DPYSL5: variants seen among roughly 807,000 people sequenced by gnomAD.
The protein encoded by DPYSL5 is dihydropyrimidinase-related protein 5.
A neutral mutation model predicts 58.4 loss-of-function variants in DPYSL5; 9 were observed. The observed-to-expected ratio is 0.15, with a 90% CI of 0.09 to 0.27. DPYSL5 has a LOEUF of 0.27. Ranked by LOEUF, DPYSL5 falls within the 10% of genes least tolerant of loss-of-function variation. The probability of loss-of-function intolerance (pLI) is 1.00; values close to 1 mark genes in which losing one functional copy is unlikely to be tolerated. For synonymous variants in DPYSL5, 293 were observed against 301.9 expected (o/e 0.97, Z 0.31); for missense variants, 499 against 770.6 (o/e 0.65, Z 4.17).
intron 1 of DPYSL5, among the ~76,000 whole-genome samples, chr2:26,883,571 G>C (rs1663628026): frequency 6.6e-6 from 1 of 151,992 alleles, no homozygotes; most frequent in African/African-American, 2.4e-5. Flanking sequence ...GCTAATTTTT[G>C]TATTTTTAGT....
chr2:26,908,507 C>G (rs1335056357), intron 2 of DPYSL5, among the ~76,000 whole-genome samples: 2 of 152,164 alleles, frequency 1.3e-5, no homozygotes, highest in African/African-American at 4.8e-5. Context: ...AAATGTAGGC[C>G]AGGTTGATCC....
chr2:26,932,211 A>AAAG (rs1558351728), intron 6 of DPYSL5, among the ~76,000 whole-genome samples: 2 of 35,624 alleles, frequency 5.6e-5, no homozygotes, highest in African/African-American at 9.1e-5. Flanking sequence ...AAGAAAGAAA[A>AAAG]GAAAGAAAGA....
chr2:26,906,446 G>T (rs1664293959), intron 2 of DPYSL5, among the ~76,000 whole-genome samples: 1 of 152,118 alleles, frequency 6.6e-6, no homozygotes, highest in Non-Finnish European at 1.5e-5. Context: ...CCTCCAAAAG[G>T]GCTGGGATTA....
intron 2 of DPYSL5, among the ~76,000 whole-genome samples, chr2:26,910,691 T>C (rs1444427618): frequency 6.7e-6 from 1 of 149,534 alleles, no homozygotes; most frequent in African/African-American, 2.5e-5. Flanking sequence ...TTGACCTCAG[T>C]TGATCTGCCC....
chr2:26,863,224 TGGA>T (rs1352655210), intron 1 of DPYSL5, among the ~76,000 whole-genome samples: 2 of 152,184 alleles, frequency 1.3e-5, no homozygotes, highest in African/African-American at 4.8e-5. Flanking sequence ...TTCAGCTGTG[TGGA>T]GCCATACTAG....
intron 1 of DPYSL5, among the ~76,000 whole-genome samples, chr2:26,890,513 C>T (rs524488): frequency 0.013 from 1,916 of 152,276 alleles, 44 homozygotes; most frequent in African/African-American, 0.043. Context: ...CAGGCTGCTC[C>T]GACAGCAGCC....
chr2:26,911,983 G>T (rs1664451110), intron 2 of DPYSL5, among the ~76,000 whole-genome samples: 1 of 152,224 alleles, frequency 6.6e-6, no homozygotes, highest in Non-Finnish European at 1.5e-5. Context: ...CCCCTGAGGG[G>T]ATCTGGGACC....
At chr2:26,913,981 T>C (rs1572703511) in intron 2 of DPYSL5, among the ~76,000 whole-genome samples, 1 of 149,430 alleles carries the variant, frequency 6.7e-6, no homozygotes, top group African/African-American at 2.5e-5. Context: ...GTGTTAGAGC[T>C]GATATATATA....
intron 1 of DPYSL5, among the ~76,000 whole-genome samples, chr2:26,882,653 C>A (rs995250152): frequency 6.6e-6 from 1 of 152,128 alleles, no homozygotes; most frequent in African/African-American, 2.4e-5. Flanking sequence ...ATAATCCCAG[C>A]ACTTTGGGAG....
chr2:26,871,346 TTTAC>T (rs1253888187), intron 1 of DPYSL5, among the ~76,000 whole-genome samples: 1 of 152,338 alleles, frequency 6.6e-6, no homozygotes, highest in East Asian at 1.9e-4. Context: ...TTTAAATAGA[TTTAC>T]TTAAATTTTT....
intron 1 of DPYSL5, among the ~76,000 whole-genome samples, chr2:26,872,641 G>T (rs541133329): frequency 6.6e-6 from 1 of 151,726 alleles, no homozygotes; most frequent in Admixed American, 6.6e-5. Context: ...AGTGAGCCAA[G>T]ATCATGCCAC....
chr2:26,868,445 T>C (rs1210602014), intron 1 of DPYSL5, among the ~76,000 whole-genome samples: 1 of 152,212 alleles, frequency 6.6e-6, no homozygotes, highest in East Asian at 1.9e-4. Context: ...CCAGGTTGTC[T>C]TCTAGTCTTT....
In DPYSL5 at chr2:26,905,972, T is replaced by C. The variant is rs1157600579; in HGVS notation, c.261+7212T>C. 1.3e-5 allele frequency among the ~76,000 whole-genome samples: 2 copies of C among 152,050 alleles called. No homozygotes were observed. The highest frequency in any genetic ancestry group is 6.6e-5 in the Admixed American group (1 of 15,262). ...AGGGTTCTCTGCCAAGCTCGTGTAG[T>C]TGTGGCAGAATTCCATTTCTTGGAG... is the stretch of plus-strand genomic sequence containing the variant. On this transcript the variant is annotated intron_variant, in intron 2 of 12. Transcript: ENST00000288699. The surrounding 1 kb of genome is among the most constrained non-coding windows in gnomAD (Gnocchi z 4.0).
chr2:26,946,274 A>C (rs574261875), intron 12 of DPYSL5, among the ~76,000 whole-genome samples: 1 of 152,300 alleles, frequency 6.6e-6, no homozygotes, highest in Non-Finnish European at 1.5e-5. Flanking sequence ...CCGCTCAGAC[A>C]GCAAACATCA....
intron 2 of DPYSL5, among the ~76,000 whole-genome samples, chr2:26,913,892 C>A (rs1310518816): frequency 6.6e-6 from 1 of 151,114 alleles, no homozygotes; most frequent in Non-Finnish European, 1.5e-5. Flanking sequence ...CCATAAAAAC[C>A]ATGCATGCTT....
chr2:26,917,929 A>C (rs1427097699), intron 2 of DPYSL5, among the ~76,000 whole-genome samples: 1 of 152,140 alleles, frequency 6.6e-6, no homozygotes, highest in East Asian at 1.9e-4. Context: ...TGAGGTCAGG[A>C]GTTCGAGACC....
At chr2:26,912,608 C>A in intron 2 of DPYSL5, among the ~76,000 whole-genome samples, 1 of 152,234 alleles carries the variant, frequency 6.6e-6, no homozygotes, top group East Asian at 1.9e-4. Context: ...GCCACATTCC[C>A]TATGCCACAC....
At chr2:26,917,108 C>G (rs1163537138) in intron 2 of DPYSL5, among the ~76,000 whole-genome samples, 3 of 152,102 alleles carry the variant, frequency 2.0e-5, no homozygotes. Flanking sequence ...AAACGGAGCT[C>G]AAGGAGATTA....
At chr2:26,876,526 T>C (rs1663412977) in intron 1 of DPYSL5, among the ~76,000 whole-genome samples, 1 of 152,178 alleles carries the variant, frequency 6.6e-6, no homozygotes, top group Non-Finnish European at 1.5e-5. Flanking sequence ...GTTTTTGTTT[T>C]TGTTTTTTGA....
Sources: allele counts gnomAD v4.1 joint callset (sites outside exome capture counted in the v4.1 genomes callset), GRCh38; gene constraint gnomAD v4.1.1; non-coding constraint Gnocchi (gnomAD v3.1); transcripts MANE v1.5; gene names NCBI Gene and HGNC (gene_info 2026-07-23, HGNC 2026-07-21).